Variants in KLHDC4 observed in about 807,000 individuals in gnomAD.
KLHDC4 encodes kelch domain containing 4.
KLHDC4 carries 90 observed loss-of-function variants against 62.4 expected under a neutral mutation model. That is an observed-to-expected ratio of 1.44 (90% CI 1.22 to 1.72). The LOEUF (loss-of-function observed/expected upper bound fraction) is 1.72. Ranked by LOEUF, KLHDC4 falls within the 40% of genes most tolerant of loss-of-function variation. KLHDC4 has a pLI of 0.00. For synonymous variants in KLHDC4, 386 were observed against 284.4 expected, an observed-to-expected ratio of 1.36 and a Z score of -3.59; for missense variants, 1,025 against 699.7, an observed-to-expected ratio of 1.47 and a Z score of -5.25.
chr16:87,741,802 T>C (rs906492739), intron 5 of KLHDC4, among the ~76,000 whole-genome samples: 1 of 152,160 alleles, frequency 6.6e-6, no homozygotes, highest in African/African-American at 2.4e-5. Context: ...CCTGCGCCTC[T>C]ACCAATATTT....
At chr16:87,752,228 G>C (rs536211747) in intron 4 of KLHDC4, among the ~76,000 whole-genome samples, 1 of 147,416 alleles carries the variant, frequency 6.8e-6, no homozygotes, top group Non-Finnish European at 1.5e-5. Context: ...GCAATATAGC[G>C]AGACCCGTTC....
intron 6 of KLHDC4, chr16:87,729,303 G>C (rs1379121726): frequency 1.3e-5 from 2 of 152,178 alleles, no homozygotes; most frequent in African/African-American, 4.8e-5. Context: ...GGTGCGACTG[G>C]ACTCACCATG....
At position 87,743,567 on chromosome 16, in the gene KLHDC4, C is replaced by T. The variant is rs949965053; in HGVS notation, c.506+5106G>A. On this transcript the variant is annotated intron_variant, in intron 5 of 11. Coordinates refer to ENST00000270583, the MANE Select transcript of KLHDC4 (RefSeq NM_017566.4). Reference sequence around the variant, plus strand: ...CATCCTGGCTAACACAGTGAAACCCCGTCTCTACTTAAAATACAAAATATT... The same window carrying T: ...CATCCTGGCTAACACAGTGAAACCCTGTCTCTACTTAAAATACAAAATATT... 3.3e-5 allele frequency among the ~76,000 whole-genome samples: 5 copies of T among 151,896 alleles called. 1 individual carries two copies. The highest frequency in any genetic ancestry group is 7.2e-5 in the African/African-American group (3 of 41,408).
rs775801462 is a variant in KLHDC4, at chr16:87,756,489, A to G, written c.192-12T>C. 6 of 1,609,394 alleles carry G rather than the reference A, an allele frequency of 3.7e-6. No homozygotes were observed. In the South Asian group the frequency reaches 6.6e-5, roughly 18 times the overall value. ...GGGAGGCATTTAACCTACAAGACAC[A>G]CAAGCGGCAGGTCAGCAAGATCACC... On this transcript the variant is annotated splice_polypyrimidine_tract_variant and intron_variant, in intron 2 of 11. Coordinates refer to ENST00000270583, the MANE Select transcript of KLHDC4 (RefSeq NM_017566.4).
exon 1 of KLHDC4, chr16:87,701,701 C>A (rs1001890785): frequency 8.8e-6 from 4 of 456,806 alleles, no homozygotes; most frequent in African/African-American, 8.0e-5. Flanking sequence ...GTCTCAGACA[C>A]ACCCTTCTCG....
downstream of KLHDC4, chr16:87,707,753 G>C: frequency 3.2e-6 from 1 of 314,056 alleles, no homozygotes; most frequent in South Asian, 2.7e-5. Flanking sequence ...GCCCGGGGCA[G>C]AGGCCCCGGG....
chr16:87,726,956 G>C (rs748131441), intron 6 of KLHDC4, 32 bp from the exon 7 acceptor site: 23 of 1,607,736 alleles, frequency 1.4e-5, no homozygotes, highest in Admixed American at 1.0e-4. Flanking sequence ...GTCAGGGTCC[G>C]TAACATTGGG....
intron 5 of KLHDC4, among the ~76,000 whole-genome samples, chr16:87,735,376 G>A (rs996170105): frequency 6.6e-6 from 1 of 151,608 alleles, no homozygotes; most frequent in Non-Finnish European, 1.5e-5. Flanking sequence ...TGACAGAGGA[G>A]AACCGAGCGC....
At chr16:87,737,359 A>G (rs2143010143) in intron 5 of KLHDC4, among the ~76,000 whole-genome samples, 1 of 151,806 alleles carries the variant, frequency 6.6e-6, no homozygotes, top group Non-Finnish European at 1.5e-5. Context: ...AGGCCAAAGC[A>G]GCCAGATCAC....
At chr16:87,764,740 C>T (rs1163286092) in intron 1 of KLHDC4, among the ~76,000 whole-genome samples, 1 of 146,718 alleles carries the variant, frequency 6.8e-6, no homozygotes, top group African/African-American at 2.5e-5. Context: ...TCTGAAGATA[C>T]CACACAGATG....
At chr16:87,728,192 GAAGA>G (rs781208198) in intron 6 of KLHDC4, among the ~76,000 whole-genome samples, 2 of 152,094 alleles carry the variant, frequency 1.3e-5, no homozygotes, top group Non-Finnish European at 2.9e-5. Flanking sequence ...CTCAAAAAAA[GAAGA>G]AAGAAAAGAT....
At chr16:87,738,343 G>GCACACACGGACGTGCA (rs2041696185) in intron 5 of KLHDC4, among the ~76,000 whole-genome samples, 1 of 148,840 alleles carries the variant, frequency 6.7e-6, no homozygotes, top group Non-Finnish European at 1.5e-5. Flanking sequence ...GTATGCCTGC[G>GCACACACGGACGTGCA]CACACACGGA....
chr16:87,748,911 C>T, intron 4 of KLHDC4, 102 bp from the exon 5 acceptor site: 22 of 1,347,740 alleles, frequency 1.6e-5, no homozygotes, highest in Non-Finnish European at 2.1e-5. Flanking sequence ...ATCTCGGATG[C>T]CCTGCAACAT....
intron 7 of KLHDC4, among the ~76,000 whole-genome samples, chr16:87,722,968 G>T (rs768195729): frequency 1.3e-5 from 2 of 152,242 alleles, no homozygotes. Flanking sequence ...GGAGAGAGGC[G>T]TGTGCCCACA....
chr16:87,749,538 A>C (rs1294322404), intron 4 of KLHDC4, among the ~76,000 whole-genome samples: 8 of 141,948 alleles, frequency 5.6e-5, no homozygotes, highest in African/African-American at 2.1e-4. Flanking sequence ...TGGACGACAG[A>C]GCGAGACTCC....
Position 87,709,842 on chromosome 16 carries a change from G to T in KLHDC4, c.1045-175C>A, listed in dbSNP as rs116166948. On this transcript the variant is annotated intron_variant, in intron 9 of 11. Transcript: ENST00000270583. ...TGGGTGCAGGCACTGGGCTGCAGGA[G>T]CACGCTCCTGTCTCCCACTAGCCTC... The T allele has an allele frequency of 1.3e-5, 9 of 707,816 alleles. No individual in the cohort carries two copies. In the East Asian group the frequency reaches 1.4e-4, roughly 11 times the overall value. The allele number at this position is 707,816 out of a possible 1,614,324, so 43.8% of individuals were successfully genotyped here.
intron 9 of KLHDC4, 51 bp downstream of exon 9, chr16:87,711,184 C>A (rs1169593166): frequency 6.3e-7 from 1 of 1,594,472 alleles, no homozygotes; most frequent in African/African-American, 1.3e-5. Flanking sequence ...GTGGCAGGGA[C>A]CCAAGTTAGG....
At chr16:87,729,702 C>G (rs969248875) in intron 6 of KLHDC4, among the ~76,000 whole-genome samples, 3 of 152,220 alleles carry the variant, frequency 2.0e-5, no homozygotes, top group Middle Eastern at 3.2e-3. Context: ...AACCGCAGGC[C>G]TCTTCCGGCA....
At chr16:87,723,450 T>C (rs2038805911) in intron 7 of KLHDC4, among the ~76,000 whole-genome samples, 1 of 152,276 alleles carries the variant, frequency 6.6e-6, no homozygotes, top group Non-Finnish European at 1.5e-5. Flanking sequence ...CCGGTCTGGC[T>C]GTTCACCGTC....
Sources: allele counts gnomAD v4.1 joint callset (sites outside exome capture counted in the v4.1 genomes callset), GRCh38; gene constraint gnomAD v4.1.1; transcripts MANE v1.5; gene names NCBI Gene and HGNC (gene_info 2026-07-23, HGNC 2026-07-21).